Variants in MYO16 observed in about 807,000 individuals in gnomAD.
The protein encoded by MYO16 is unconventional myosin-XVI.
MYO16 carries 94 observed loss-of-function variants against 205.3 expected under a neutral mutation model. The observed-to-expected ratio is 0.46, with a 90% CI of 0.39 to 0.54. MYO16 has a LOEUF of 0.54. MYO16 is among the 20% of genes least tolerant of loss of function. The pLI is 0.00. For synonymous variants in MYO16, 988 were observed against 954.0 expected, an observed-to-expected ratio of 1.04 and a Z score of -0.66; for missense variants, 2,315 against 2,387.5, an observed-to-expected ratio of 0.97 and a Z score of 0.63.
At chr13:109,203,973 C>T (rs927606) in intron 34 of MYO16, among the ~76,000 whole-genome samples, 87,445 of 151,994 alleles carry the variant, frequency 0.58, 25,840 homozygotes, top group African/African-American at 0.69. Flanking sequence ...GGTTTATCTT[C>T]CTTCCAGAAA....
chr13:108,576,725 A>C, the MYO16 span, among the ~76,000 whole-genome samples: 1 of 152,188 alleles, frequency 6.6e-6, no homozygotes, highest in East Asian at 1.9e-4. Context: ...TTTAAGTTGA[A>C]TTCCCAGTGA....
chr13:109,099,478 G>A (rs1448651497), intron 27 of MYO16, among the ~76,000 whole-genome samples: 2 of 152,166 alleles, frequency 1.3e-5, no homozygotes, highest in Admixed American at 6.5e-5. Context: ...GAATAAGTCT[G>A]TTCTCTTCAG....
intron 3 of MYO16, among the ~76,000 whole-genome samples, chr13:108,715,627 T>G (rs1397598500): frequency 6.6e-6 from 1 of 152,136 alleles, no homozygotes; most frequent in Non-Finnish European, 1.5e-5. Context: ...CTGTGATAGA[T>G]ATTGGGGTGA....
intron 27 of MYO16, among the ~76,000 whole-genome samples, chr13:109,082,429 A>G (rs1232136660): frequency 1.3e-5 from 2 of 152,266 alleles, no homozygotes; most frequent in South Asian, 2.1e-4. Flanking sequence ...ATCTAAAAAT[A>G]TAACAATTAT....
intron 20 of MYO16, among the ~76,000 whole-genome samples, chr13:108,981,060 TA>T (rs1566444138): frequency 6.6e-6 from 1 of 152,342 alleles, no homozygotes; most frequent in East Asian, 1.9e-4. Context: ...AAAATAGTGA[TA>T]AAAAAGATTA....
rs1433912044 is a variant in MYO16, at chr13:108,787,276, A to C, written c.616+1533A>C. Among the ~76,000 whole-genome samples, 6 of 152,188 alleles carry C rather than the reference A, an allele frequency of 3.9e-5. No individual in the cohort carries two copies. The South Asian group carries it at 1.2e-3, about 31-fold the overall frequency. Reference sequence around the variant, plus strand: ...TACAAACATCAAGCTGTATACAATAAATATGTACAGCTTTGGTATGTTGGT... The same window carrying C: ...TACAAACATCAAGCTGTATACAATACATATGTACAGCTTTGGTATGTTGGT... On this transcript the variant is annotated intron_variant, in intron 5 of 34. Transcript: ENST00000457511.
At chr13:108,569,998 A>G in the MYO16 span, among the ~76,000 whole-genome samples, 1 of 152,208 alleles carries the variant, frequency 6.6e-6, no homozygotes, top group South Asian at 2.1e-4. Flanking sequence ...GCCATGGTGT[A>G]TAATACTTCT....
intron 27 of MYO16, among the ~76,000 whole-genome samples, chr13:109,068,957 C>T (rs191675381): frequency 2.0e-5 from 3 of 152,278 alleles, no homozygotes; most frequent in East Asian, 3.9e-4. Flanking sequence ...GTTACTTTAT[C>T]GATCTCCAGG....
intron 2 of MYO16, among the ~76,000 whole-genome samples, chr13:108,671,176 A>G (rs1379159646): frequency 6.6e-6 from 1 of 152,180 alleles, no homozygotes; most frequent in Non-Finnish European, 1.5e-5. Context: ...AAGAGAAAGG[A>G]CTGGATAGAA....
chr13:108,543,007 C>T, the MYO16 span, among the ~76,000 whole-genome samples: 1 of 151,718 alleles, frequency 6.6e-6, no homozygotes, highest in Admixed American at 6.6e-5. Flanking sequence ...ACGGAGAAAA[C>T]ATAGTTTTGT....
chr13:108,613,551 T>A (rs1164787698), intron 1 of MYO16, among the ~76,000 whole-genome samples: 1 of 151,938 alleles, frequency 6.6e-6, no homozygotes, highest in Non-Finnish European at 1.5e-5. Context: ...CCAAAGACAT[T>A]CCATAGAAAC....
At chr13:108,893,667 G>A (rs1340281161) in intron 14 of MYO16, among the ~76,000 whole-genome samples, 1 of 152,154 alleles carries the variant, frequency 6.6e-6, no homozygotes, top group Non-Finnish European at 1.5e-5. Context: ...AGGACAATGT[G>A]CTGATTAGAG....
intron 16 of MYO16, among the ~76,000 whole-genome samples, chr13:108,927,191 G>A (rs1280880497): frequency 6.6e-6 from 1 of 152,168 alleles, no homozygotes; most frequent in African/African-American, 2.4e-5. Flanking sequence ...GAGAAAATGA[G>A]TGTGCCAGCC....
At position 108,693,761 on chromosome 13, in the gene MYO16, G is replaced by A. The variant is rs948701014; in HGVS notation, c.293-18900G>A. Among the ~76,000 whole-genome samples the A allele has an allele frequency of 1.5e-4, 23 of 152,082 alleles. 1 individual carries two copies. Among genetic ancestry groups the A allele is most frequent in the African/African-American group, 5.1e-4 (21 of 41,392 alleles). ...GTCCATGTTCAGGTTTGTTATATAG[G>A]TGAACTCATGTCATGGGAGTTTGTT... On this transcript the variant is annotated intron_variant, in intron 2 of 34. Transcript: ENST00000457511.
At chr13:108,922,454 C>T (rs1452961613) in intron 16 of MYO16, among the ~76,000 whole-genome samples, 1 of 152,092 alleles carries the variant, frequency 6.6e-6, no homozygotes, top group Non-Finnish European at 1.5e-5. Context: ...CACGTCTTCC[C>T]TGGTACAAAA....
At chr13:108,858,591 C>T (rs1337760582) in intron 11 of MYO16, among the ~76,000 whole-genome samples, 1 of 152,182 alleles carries the variant, frequency 6.6e-6, no homozygotes, top group African/African-American at 2.4e-5. Context: ...AGGCCACCCC[C>T]ACTGCTGCCT....
At chr13:108,681,695 T>C (rs1378756410) in intron 2 of MYO16, among the ~76,000 whole-genome samples, 1 of 152,098 alleles carries the variant, frequency 6.6e-6, no homozygotes, top group African/African-American at 2.4e-5. Flanking sequence ...GGGTGGTAAA[T>C]AAAGAGAGAG....
At chr13:109,098,292 A>G (rs1888842276) in intron 27 of MYO16, among the ~76,000 whole-genome samples, 1 of 152,224 alleles carries the variant, frequency 6.6e-6, no homozygotes, top group Non-Finnish European at 1.5e-5. Flanking sequence ...TACAATGAAC[A>G]CATTTTTGCC....
intron 1 of MYO16, among the ~76,000 whole-genome samples, chr13:108,605,867 A>G (rs971601518): frequency 6.6e-6 from 1 of 152,216 alleles, no homozygotes; most frequent in African/African-American, 2.4e-5. Flanking sequence ...GTGAGGGCTC[A>G]GAAAAATACT....
Sources: gnomAD v4.1 joint callset for allele counts (sites outside exome capture counted in the v4.1 genomes callset) on GRCh38, gnomAD v4.1.1 for gene constraint, MANE v1.5 for transcripts, NCBI Gene and HGNC (gene_info 2026-07-23, HGNC 2026-07-21) for gene names.